Variants in CCDC30 observed in about 807,000 individuals in gnomAD.
CCDC30 encodes coiled-coil domain containing 30.
A neutral mutation model predicts 100.2 loss-of-function variants in CCDC30; 70 were observed. The ratio of observed to expected loss-of-function variants is 0.70; its 90% CI spans 0.58 to 0.85. CCDC30 has a LOEUF of 0.85. CCDC30 is among the 40% of genes least tolerant of loss of function. CCDC30 has a pLI of 0.00. For synonymous variants in CCDC30, 233 were observed against 269.5 expected (o/e 0.86, Z 1.33); for missense variants, 652 against 771.2 (o/e 0.85, Z 1.83).
intron 7 of CCDC30, among the ~76,000 whole-genome samples, chr1:42,575,815 G>A (rs1645825969): frequency 1.3e-5 from 2 of 152,042 alleles, no homozygotes; most frequent in Admixed American, 6.6e-5. Context: ...GGACATTTCA[G>A]ATTAAATGAT....
At chr1:42,602,448 A>G (rs1317560331) in intron 10 of CCDC30, among the ~76,000 whole-genome samples, 1 of 152,192 alleles carries the variant, frequency 6.6e-6, no homozygotes, top group Admixed American at 6.5e-5. Flanking sequence ...TACAAATAAC[A>G]GAAATGAAAA....
chr1:42,631,605 C>T (rs1647039019), intron 11 of CCDC30, among the ~76,000 whole-genome samples: 1 of 152,328 alleles, frequency 6.6e-6, no homozygotes, highest in Admixed American at 6.5e-5. Context: ...GTGGTGCCAT[C>T]TGGGAGCCAG....
intron 6 of CCDC30, among the ~76,000 whole-genome samples, chr1:42,541,323 T>C (rs959468904): frequency 6.6e-6 from 1 of 152,224 alleles, no homozygotes; most frequent in Non-Finnish European, 1.5e-5. Context: ...CCCTTGTGCA[T>C]TAGTTACTTG....
intron 15 of CCDC30, among the ~76,000 whole-genome samples, chr1:42,651,380 T>C (rs771699215): frequency 6.6e-6 from 1 of 150,834 alleles, no homozygotes; most frequent in African/African-American, 2.4e-5. Flanking sequence ...CTCAACTCAA[T>C]AGCAAGAACA....
intron 1 of CCDC30, among the ~76,000 whole-genome samples, chr1:42,478,561 C>G (rs975355111): frequency 6.6e-5 from 10 of 152,104 alleles, no homozygotes; most frequent in African/African-American, 2.4e-4. Context: ...GAATTTGAGA[C>G]CAGCCAGGAC....
intron 15 of CCDC30, 31 bp from the exon 20 acceptor site, chr1:42,653,345 C>CT: frequency 7.2e-7 from 1 of 1,394,702 alleles, no homozygotes; most frequent in Non-Finnish European, 1.0e-6. Context: ...ATCATTATAA[C>CT]TTTTCACATT....
intron 4 of CCDC30, among the ~76,000 whole-genome samples, chr1:42,495,411 C>A (rs1183654975): frequency 6.6e-6 from 1 of 151,548 alleles, no homozygotes; most frequent in Non-Finnish European, 1.5e-5. Flanking sequence ...ATGCTAGATG[C>A]TGAGTTAGTG....
chr1:42,529,375 G>C (rs942243165), intron 6 of CCDC30, among the ~76,000 whole-genome samples: 18 of 152,180 alleles, frequency 1.2e-4, no homozygotes, highest in African/African-American at 4.3e-4. Context: ...GGGGGGCTGA[G>C]GCAGGAGAAT....
At chr1:42,521,975 A>G (rs748244566) in intron 6 of CCDC30, among the ~76,000 whole-genome samples, 2 of 152,088 alleles carry the variant, frequency 1.3e-5, no homozygotes, top group Non-Finnish European at 2.9e-5. Context: ...GTCATCCTGC[A>G]GTATCATAAG....
intron 11 of CCDC30, among the ~76,000 whole-genome samples, chr1:42,612,157 G>C (rs746201313): frequency 5.9e-5 from 9 of 152,038 alleles, no homozygotes; most frequent in Non-Finnish European, 1.2e-4. Flanking sequence ...GTGCTTTGTT[G>C]CTATAGTCTT....
exon 17 of CCDC30, chr1:42,653,908 C>A (rs1015195051): frequency 1.2e-5 from 20 of 1,613,966 alleles, no homozygotes; most frequent in Non-Finnish European, 1.7e-5. Flanking sequence ...GTTCAAAGTC[C>A]CCTGAAAAGT....
At chr1:42,486,199 A>G (rs190488872) in intron 3 of CCDC30, among the ~76,000 whole-genome samples, 28 of 152,362 alleles carry the variant, frequency 1.8e-4, no homozygotes, top group Admixed American at 1.3e-3. Context: ...TAGTTACAGT[A>G]GCCAAGAGTT....
intron 9 of CCDC30, among the ~76,000 whole-genome samples, chr1:42,586,404 T>C (rs1025880999): frequency 6.6e-6 from 1 of 152,082 alleles, no homozygotes; most frequent in Non-Finnish European, 1.5e-5. Context: ...ACTCCTGGGC[T>C]CAGATGATCC....
chr1:42,460,383 G>A (rs1441095912), upstream of CCDC30: 4 of 986,790 alleles, frequency 4.1e-6, no homozygotes, highest in East Asian at 3.4e-4. Flanking sequence ...GTGCAATAAA[G>A]TGTGTGTCCA....
rs150834412 is a variant in CCDC30 at position 42,600,808 on chromosome 1, GCT to G, written c.1165-10150_1165-10149del. ...GAAAGTGTATAACATTTCCCCCTGT[GCT>G]CTCTCTCTCTCTCTCTCTCACTCTT... is the stretch of plus-strand genomic sequence containing the variant. On this transcript the variant is annotated intron_variant, in intron 10 of 16. Transcript: ENST00000668663. 2.7e-3 allele frequency among the ~76,000 whole-genome samples: 395 copies of G among 146,504 alleles called. 1 individual carries two copies. The highest frequency in any genetic ancestry group is 3.8e-3 in the Non-Finnish European group (254 of 66,590).
rs75067106 is a variant in CCDC30 at position 42,644,613 on chromosome 1, T to C, written c.1557-80T>C. ...ACAGTAGTCTAAGATCCGGGGCCAG[T>C]GGGAAGTGGGATGTAGTTTTGGGTT... On this transcript the variant is annotated intron_variant, in intron 13 of 16. Transcript: ENST00000668663. The C allele has an allele frequency of 4.5e-3, 3,607 of 799,782 alleles. 91 individuals are homozygous for C. The African/African-American group carries it at 0.053, about 12-fold the overall frequency. The allele number at this position is 799,782 out of a possible 1,614,324, so 49.5% of individuals were successfully genotyped here.
chr1:42,475,881 T>C (rs1470581256), intron 1 of CCDC30, among the ~76,000 whole-genome samples: 3 of 152,036 alleles, frequency 2.0e-5, no homozygotes, highest in African/African-American at 7.2e-5. Context: ...TACCTCTTCC[T>C]CTTTAGGTTT....
chr1:42,528,253 AAAAGAGAAATATTTTTC>A (rs1207470232), intron 6 of CCDC30, among the ~76,000 whole-genome samples: 1 of 152,238 alleles, frequency 6.6e-6, no homozygotes, highest in Non-Finnish European at 1.5e-5. Flanking sequence ...GTTGTCTTCC[AAAAGAGAAATATTTTTC>A]CAAAGACTAC....
Position 42,539,213 on chromosome 1 carries a change from A to C in CCDC30, c.457-27083A>C. The stretch of plus-strand genomic sequence containing the variant: ...AAGTCAGAGCTTATATGCCTTTATA[A>C]TGAAGTTCACAATCTTCCAGGGGAA... On this transcript the variant is annotated intron_variant, in intron 6 of 16. Transcript: ENST00000668663. The C allele has an allele frequency of 1.9e-6, 3 of 1,608,664 alleles. No individual in the cohort carries two copies. The South Asian group carries it at 3.3e-5, about 18-fold the overall frequency.
Sources: allele counts gnomAD v4.1 joint callset (sites outside exome capture counted in the v4.1 genomes callset), GRCh38; gene constraint gnomAD v4.1.1; transcripts MANE v1.5; gene names NCBI Gene and HGNC (gene_info 2026-07-23, HGNC 2026-07-21).